Variants in PPP1R12B observed in about 807,000 individuals in gnomAD.
The protein encoded by PPP1R12B is myosin phosphatase target subunit 2.
In PPP1R12B, 76 loss-of-function variants were observed where a neutral mutation model predicts 126.1. The ratio of observed to expected loss-of-function variants is 0.60; its 90% CI spans 0.50 to 0.73. The LOEUF (loss-of-function observed/expected upper bound fraction) is 0.73. Ranked by LOEUF, PPP1R12B falls within the 30% of genes least tolerant of loss-of-function variation. The probability of loss-of-function intolerance (pLI) is 0.00; values close to 1 mark genes in which losing one functional copy is unlikely to be tolerated. For synonymous variants in PPP1R12B, 356 were observed against 434.7 expected, an observed-to-expected ratio of 0.82 and a Z score of 2.25; for missense variants, 1,052 against 1,205.1, an observed-to-expected ratio of 0.87 and a Z score of 1.88.
rs763171354 is a variant in PPP1R12B at position 202,495,648 on chromosome 1, G to A, written c.2414G>A (p.Arg805Gln). 25 of 1,613,966 alleles carry A rather than the reference G, an allele frequency of 1.5e-5. No homozygotes were observed. The highest frequency in any genetic ancestry group is 6.7e-5 in the Admixed American group (4 of 59,994). Residue 805 changes from arginine to glutamine, a missense_variant, in exon 17 of 24, where the codon CGA becomes CAA. By Grantham distance (43) the Arg-to-Gln change is conservative. Coordinates refer to ENST00000608999, the MANE Select transcript of PPP1R12B (RefSeq NM_002481.4). ...GAGAGGAGGCGGCCCAAGGAACGAC[G>A]AAGAGGCACAGGCATCAATTTCTGG... ...IRERRRPKER[R>Q]RGTGINFWTK... is the part of the protein sequence containing the mutation.
chr1:202,472,180 A>G (rs1676019824), intron 13 of PPP1R12B: 1 of 697,564 alleles, frequency 1.4e-6, no homozygotes, highest in African/African-American at 1.8e-5. Flanking sequence ...TCCAGATATG[A>G]ATATTTTGGA....
rs536857468 is a variant in PPP1R12B, at chr1:202,414,003, C to T, written c.292-2784C>T. ...GTGGTGCCATCCTGGCTCACTGCAA[C>T]GTCTGCCTCCTGGGTTCAAGCGATT... On this transcript the variant is annotated intron_variant, in intron 1 of 23. Coordinates refer to ENST00000608999, the MANE Select transcript of PPP1R12B (RefSeq NM_002481.4). 1.4e-4 allele frequency among the ~76,000 whole-genome samples: 22 copies of T among 152,202 alleles called. No homozygotes were observed. In the South Asian group the frequency reaches 2.5e-3, roughly 17 times the overall value.
chr1:202,449,683 G>T (rs534941002), intron 13 of PPP1R12B, among the ~76,000 whole-genome samples: 4 of 151,118 alleles, frequency 2.6e-5, no homozygotes, highest in Non-Finnish European at 5.9e-5. Flanking sequence ...CGCCGTTATG[G>T]ATTTATTTTT....
chr1:202,387,469 T>C (rs1663340377), intron 1 of PPP1R12B, among the ~76,000 whole-genome samples: 1 of 152,220 alleles, frequency 6.6e-6, no homozygotes, highest in African/African-American at 2.4e-5. Flanking sequence ...TTCAGGTTCA[T>C]TTGAATTAAT....
At chr1:202,439,414 C>T (rs756296675) in intron 10 of PPP1R12B, 1 of 1,250,446 alleles carries the variant, frequency 8.0e-7, no homozygotes, top group Non-Finnish European at 1.2e-6. Flanking sequence ...ACGGAGACCG[C>T]CCTGTACTGG....
At chr1:202,482,964 A>G (rs935828939) in intron 13 of PPP1R12B, among the ~76,000 whole-genome samples, 21 of 152,142 alleles carry the variant, frequency 1.4e-4, no homozygotes, top group Admixed American at 8.5e-4. Flanking sequence ...CTGCATGTGG[A>G]TGTCCCACTT....
chr1:202,377,859 T>C (rs1661493155), intron 1 of PPP1R12B, among the ~76,000 whole-genome samples: 1 of 124,146 alleles, frequency 8.1e-6, no homozygotes, highest in Non-Finnish European at 1.7e-5. Context: ...TTTTTTTTTT[T>C]GAGACGGAGT....
At chr1:202,382,749 A>G (rs1174980061) in intron 1 of PPP1R12B, among the ~76,000 whole-genome samples, 1 of 151,690 alleles carries the variant, frequency 6.6e-6, no homozygotes, top group Non-Finnish European at 1.5e-5. Flanking sequence ...GGTGGCATGC[A>G]CCTGTAATCC....
intron 10 of PPP1R12B, chr1:202,439,035 C>T (rs1454822451): frequency 9.5e-6 from 13 of 1,371,606 alleles, no homozygotes; most frequent in South Asian, 2.3e-5. Context: ...TACCAGTGGG[C>T]GGACTTCATC....
chr1:202,532,077 C>T (rs1684015820), intron 18 of PPP1R12B, among the ~76,000 whole-genome samples: 1 of 152,158 alleles, frequency 6.6e-6, no homozygotes, highest in Non-Finnish European at 1.5e-5. Flanking sequence ...ATGAGTTTTC[C>T]AGGAAAGAGG....
At chr1:202,546,323 T>A (rs1208293989) in intron 18 of PPP1R12B, among the ~76,000 whole-genome samples, 1 of 152,082 alleles carries the variant, frequency 6.6e-6, no homozygotes, top group Non-Finnish European at 1.5e-5. Flanking sequence ...GTATGATAAG[T>A]ATCAGGTGCA....
At chr1:202,521,115 A>C (rs2148915278) in intron 18 of PPP1R12B, among the ~76,000 whole-genome samples, 1 of 152,222 alleles carries the variant, frequency 6.6e-6, no homozygotes, top group Middle Eastern at 3.4e-3. Flanking sequence ...GCAGGAAACC[A>C]CTCAAGATAG....
intron 13 of PPP1R12B, among the ~76,000 whole-genome samples, chr1:202,449,739 T>C (rs950284609): frequency 1.2e-4 from 18 of 152,098 alleles, no homozygotes; most frequent in African/African-American, 4.1e-4. Context: ...CAGGCTGGAG[T>C]GCAGTGGCGC....
Position 202,470,324 on chromosome 1 carries a change from CT to C in PPP1R12B, c.1851-18208del, listed in dbSNP as rs1434384631. Among the ~76,000 whole-genome samples the C allele has an allele frequency of 2.8e-4, 43 of 152,224 alleles. 1 individual carries two copies. The South Asian group carries it at 8.1e-3, about 29-fold the overall frequency. On this transcript the variant is annotated intron_variant, in intron 13 of 23. Coordinates refer to ENST00000608999, the MANE Select transcript of PPP1R12B (RefSeq NM_002481.4). Reference sequence around the variant, plus strand: ...AGGAGTACCTGTGCTTTCTATATCACTATGAACTATGGTAATAAAAAAAAGT... The same window carrying C: ...AGGAGTACCTGTGCTTTCTATATCACATGAACTATGGTAATAAAAAAAAGT...
At chr1:202,404,209 G>A (rs1666254543) in intron 1 of PPP1R12B, among the ~76,000 whole-genome samples, 1 of 152,080 alleles carries the variant, frequency 6.6e-6, no homozygotes, top group Admixed American at 6.5e-5. Flanking sequence ...GGCTGTCAAC[G>A]TATCCTACCA....
intron 13 of PPP1R12B, among the ~76,000 whole-genome samples, chr1:202,487,343 A>G (rs1678277020): frequency 6.6e-6 from 1 of 152,216 alleles, no homozygotes; most frequent in South Asian, 2.1e-4. Context: ...AAATCTTACA[A>G]CAAACATTAC....
intron 1 of PPP1R12B, among the ~76,000 whole-genome samples, chr1:202,398,703 G>T (rs11810671): frequency 0.04 from 6,154 of 152,214 alleles, 337 homozygotes; most frequent in African/African-American, 0.12. Flanking sequence ...AAGCAAAGGG[G>T]CACAACACTC....
chr1:202,427,143 C>G lies in PPP1R12B; in HGVS notation c.805C>G (p.Leu269Val). 1 of 1,614,156 alleles carries G rather than the reference C, an allele frequency of 6.2e-7. No homozygotes were observed. Among genetic ancestry groups the G allele is most frequent in the Non-Finnish European group, 8.5e-7 (1 of 1,180,032 alleles). ...HWGVKEACSI[L>V]AEALCDMDIR... ...GGGAGTGAAGGAGGCTTGCTCCATC[C>G]TGGCAGAAGCACTTTGTGACATGGA... Residue 269 changes from leucine to valine, a missense_variant, in exon 5 of 24, where the codon CTG (leucine) becomes GTG (valine). Coordinates refer to ENST00000608999, the MANE Select transcript of PPP1R12B (RefSeq NM_002481.4).
At chr1:202,443,433 A>G (rs947955609) in intron 12 of PPP1R12B, among the ~76,000 whole-genome samples, 1 of 152,250 alleles carries the variant, frequency 6.6e-6, no homozygotes, top group African/African-American at 2.4e-5. Flanking sequence ...ACTCTTTGGA[A>G]TCAACACTTA....
Sources: allele counts gnomAD v4.1 joint callset (sites outside exome capture counted in the v4.1 genomes callset), GRCh38; gene constraint gnomAD v4.1.1; transcripts MANE v1.5; gene names NCBI Gene and HGNC (gene_info 2026-07-23, HGNC 2026-07-21).